SLC30A9: variants seen among roughly 807,000 people sequenced by gnomAD.
SLC30A9 encodes the protein solute carrier family 30 member 9.
SLC30A9 carries 58 observed loss-of-function variants against 87.5 expected under a neutral mutation model. The observed-to-expected ratio is 0.66, with a 90% CI of 0.54 to 0.82. SLC30A9 has a LOEUF of 0.82. SLC30A9 is among the 40% of genes least tolerant of loss of function. The probability of loss-of-function intolerance (pLI) is 0.00; values close to 1 mark genes in which losing one functional copy is unlikely to be tolerated. For synonymous variants in SLC30A9, 234 were observed against 233.0 expected, an observed-to-expected ratio of 1.00 and a Z score of -0.04; for missense variants, 557 against 679.1, an observed-to-expected ratio of 0.82 and a Z score of 2.00.
At chr4:42,036,980 T>C (rs1018312264) in intron 7 of SLC30A9, among the ~76,000 whole-genome samples, 3 of 152,242 alleles carry the variant, frequency 2.0e-5, no homozygotes, top group African/African-American at 7.2e-5. Context: ...CCAGATTTTC[T>C]AATAGTAGCT....
At chr4:42,015,202 A>G (rs994063968) in intron 2 of SLC30A9, among the ~76,000 whole-genome samples, 5 of 152,212 alleles carry the variant, frequency 3.3e-5, no homozygotes, top group African/African-American at 4.8e-5. Context: ...AAAAATTAAA[A>G]TATAAAAGCA....
intron 1 of SLC30A9, among the ~76,000 whole-genome samples, chr4:41,995,708 G>A (rs1353229938): frequency 6.6e-6 from 1 of 152,082 alleles, no homozygotes; most frequent in African/African-American, 2.4e-5. Context: ...AGACTAGTAT[G>A]TATATATGTA....
At chr4:42,020,765 G>C (rs2063105) in intron 4 of SLC30A9, 236,495 of 335,302 alleles carry the variant, frequency 0.71, 89,182 homozygotes, top group East Asian at 0.96. Context: ...TTCTTCAAAA[G>C]CTTTCCATCA....
intron 6 of SLC30A9, chr4:42,029,858 C>G (rs1431283231): frequency 3.8e-5 from 27 of 716,794 alleles, no homozygotes; most frequent in Non-Finnish European, 5.8e-5. Context: ...AGTGCACTGG[C>G]TAGCAAGATG....
chr4:41,999,920 T>A (rs1714905008), intron 1 of SLC30A9, among the ~76,000 whole-genome samples: 1 of 152,124 alleles, frequency 6.6e-6, no homozygotes, highest in Non-Finnish European at 1.5e-5. Context: ...ACTGAAATAT[T>A]TATGGATGAA....
chr4:42,081,762 C>G (rs58115879), intron 17 of SLC30A9, among the ~76,000 whole-genome samples: 2 of 151,712 alleles, frequency 1.3e-5, no homozygotes, highest in Admixed American at 1.3e-4. Context: ...CCTACATTTA[C>G]TCTTACAACA....
At position 42,088,100 on chromosome 4, in the gene SLC30A9, A is replaced by G. The variant is rs1231807247; in HGVS notation, c.*1974A>G. ...ATTCTTAAATAATAATTGAAGGTTT[A>G]TGTTGCCATCTTTTCTAATTCTGTT... On this transcript the variant is annotated 3_prime_UTR_variant, in exon 18 of 18. Transcript: ENST00000264451. 6.6e-6 allele frequency: 1 copy of G among 151,976 alleles called. No individual in the cohort carries two copies. Among genetic ancestry groups the G allele is most frequent in the African/African-American group, 2.4e-5 (1 of 41,374 alleles). The allele number at this position is 151,976 out of a possible 1,614,324, so 9.4% of individuals were successfully genotyped here.
chr4:41,992,280 G>A (rs181704150), intron 1 of SLC30A9, among the ~76,000 whole-genome samples: 1 of 151,932 alleles, frequency 6.6e-6, no homozygotes, highest in East Asian at 1.9e-4. Flanking sequence ...AATTGAGGCT[G>A]CAGTGAGCCT....
chr4:42,026,857 A>G (rs1237146411), intron 6 of SLC30A9, among the ~76,000 whole-genome samples: 1 of 152,172 alleles, frequency 6.6e-6, no homozygotes, highest in African/African-American at 2.4e-5. Context: ...CAAAGAGAGC[A>G]TAAAGGGTCC....
chr4:42,004,704 G>A (rs1353811980), intron 2 of SLC30A9, among the ~76,000 whole-genome samples: 3 of 132,062 alleles, frequency 2.3e-5, no homozygotes, highest in Non-Finnish European at 4.7e-5. Context: ...CTGTTGCCCA[G>A]GCTAGAATGC....
At chr4:42,080,244 A>C (rs1718703597) in intron 17 of SLC30A9, among the ~76,000 whole-genome samples, 1 of 152,226 alleles carries the variant, frequency 6.6e-6, no homozygotes, top group African/African-American at 2.4e-5. Context: ...CCTTCCTTCT[A>C]ATACCAACTG....
At position 42,067,146 on chromosome 4, in the gene SLC30A9, G is replaced by T. The variant is rs1214255047; in HGVS notation, c.1206G>T (p.Leu402Phe). 2.5e-6 allele frequency: 4 copies of T among 1,612,684 alleles called. No homozygotes were observed. The Admixed American group carries it at 6.7e-5, about 27-fold the overall frequency. ...VILLEDTAAV[L>F]GVIIAATCMG... ...TATTGGAGGATACTGCTGCAGTCTT[G>T]GGAGTTATAATAGCAGCCACTTGCA... is the stretch of plus-strand genomic sequence containing the variant. Residue 402 changes from leucine to phenylalanine, a missense_variant, in exon 14 of 18, where the codon TTG (leucine) becomes TTT (phenylalanine). Physicochemically the swap from Leu to Phe is conservative, Grantham distance 22. Transcript: ENST00000264451.
chr4:42,074,190 T>C (rs1409530798), intron 15 of SLC30A9, among the ~76,000 whole-genome samples: 1 of 152,210 alleles, frequency 6.6e-6, no homozygotes, highest in East Asian at 1.9e-4. Context: ...ATTAAAACAT[T>C]AATTCTTATT....
intron 11 of SLC30A9, among the ~76,000 whole-genome samples, chr4:42,064,027 C>A (rs571249934): frequency 2.6e-4 from 40 of 152,284 alleles, no homozygotes; most frequent in African/African-American, 9.6e-4. Flanking sequence ...ATCTACTCTG[C>A]TGATACAGCC....
At chr4:41,994,037 A>G (rs1277422825) in intron 1 of SLC30A9, among the ~76,000 whole-genome samples, 1 of 152,112 alleles carries the variant, frequency 6.6e-6, no homozygotes, top group Non-Finnish European at 1.5e-5. Context: ...GGCGCCTGTA[A>G]TCCCAGCTAC....
At position 42,022,842 on chromosome 4, in the gene SLC30A9, C is replaced by G; in HGVS notation, c.439C>G (p.Leu147Val). ...TCAACATGTTTCTTTCTCTAGTGAT[C>G]TAGAACAACTTCGAAAAATCAGACG... Reference protein sequence around the residue: ...INEFCLKSSDLEQLRKIRRRS... With the variant: ...INEFCLKSSDVEQLRKIRRRS... Residue 147 changes from leucine (L) to valine (V), a missense_variant, in exon 5 of 18, where the codon CTA becomes GTA. Physicochemically the swap from Leu to Val is conservative, Grantham distance 32 (BLOSUM62 1). Around this residue, in one of 2 missense-constraint regions of SLC30A9, gnomAD observed 467 missense variants for 529.8 expected, o/e 0.88. Coordinates refer to ENST00000264451, the MANE Select transcript of SLC30A9 (RefSeq NM_006345.4). 1 of 1,584,406 alleles carries G rather than the reference C, an allele frequency of 6.3e-7. No individual in the cohort carries two copies. The highest frequency in any genetic ancestry group is 1.7e-4 in the Middle Eastern group (1 of 5,952).
At chr4:42,021,328 G>A (rs1715939766) in intron 4 of SLC30A9, among the ~76,000 whole-genome samples, 1 of 152,116 alleles carries the variant, frequency 6.6e-6, no homozygotes, top group Admixed American at 6.5e-5. Flanking sequence ...TCAGTGACAG[G>A]GAGAACTAGA....
chr4:41,996,649 G>T (rs1238183579), intron 1 of SLC30A9, among the ~76,000 whole-genome samples: 1 of 152,126 alleles, frequency 6.6e-6, no homozygotes, highest in African/African-American at 2.4e-5. Flanking sequence ...AGTCTGAGAT[G>T]GGAAAACCAC....
chr4:42,048,725 A>G (rs1325041297), intron 8 of SLC30A9, among the ~76,000 whole-genome samples: 2 of 152,194 alleles, frequency 1.3e-5, no homozygotes, highest in African/African-American at 4.8e-5. Flanking sequence ...GGACAGTATC[A>G]GGTGCAGATC....
Sources: gnomAD v4.1 joint callset for allele counts (sites outside exome capture counted in the v4.1 genomes callset) on GRCh38, gnomAD v4.1.1 for gene constraint, gnomAD v4.1.1 regional missense constraint, MANE v1.5 for transcripts, NCBI Gene and HGNC (gene_info 2026-07-23, HGNC 2026-07-21) for gene names.